PLD5: variants seen among roughly 807,000 people sequenced by gnomAD.
PLD5 encodes the protein phospholipase D family member 5, also known as inactive phospholipase D5.
A neutral mutation model predicts 61.1 loss-of-function variants in PLD5; 36 were observed. That is an observed-to-expected ratio of 0.59 (90% CI 0.45 to 0.78). The LOEUF is 0.78. Ranked by LOEUF, PLD5 falls within the 30% of genes least tolerant of loss-of-function variation. PLD5 has a pLI of 0.00. For synonymous variants in PLD5, 243 were observed against 242.8 expected, an observed-to-expected ratio of 1.00 and a Z score of -0.01; for missense variants, 515 against 644.4, an observed-to-expected ratio of 0.80 and a Z score of 2.17.
intron 1 of PLD5, among the ~76,000 whole-genome samples, chr1:242,362,756 A>G (rs1436095081): frequency 6.6e-6 from 1 of 152,026 alleles, no homozygotes; most frequent in Non-Finnish European, 1.5e-5. Flanking sequence ...CTTCCTACAT[A>G]TATTTCCATG....
chr1:242,402,814 A>T (rs1163895110), intron 1 of PLD5, among the ~76,000 whole-genome samples: 1 of 152,238 alleles, frequency 6.6e-6, no homozygotes, highest in Non-Finnish European at 1.5e-5. Context: ...CATGAAAGTG[A>T]ATATAATTCC....
chr1:242,502,690 CGT>C (rs146663077), intron 1 of PLD5, among the ~76,000 whole-genome samples: 113 of 151,130 alleles, frequency 7.5e-4, no homozygotes, highest in African/African-American at 2.6e-3. Context: ...TGTGTATGTG[CGT>C]GTGTGTGTGT....
intron 1 of PLD5, among the ~76,000 whole-genome samples, chr1:242,459,176 A>G (rs1667034770): frequency 6.6e-6 from 1 of 152,230 alleles, no homozygotes; most frequent in Non-Finnish European, 1.5e-5. Flanking sequence ...ATGTGATTGG[A>G]ATACTTCTAA....
chr1:242,400,717 C>T (rs910508406), intron 1 of PLD5, among the ~76,000 whole-genome samples: 18 of 152,090 alleles, frequency 1.2e-4, no homozygotes, highest in African/African-American at 4.3e-4. Flanking sequence ...GATCTTTTCC[C>T]ACCACCCGCC....
At chr1:242,519,816 C>T (rs1669222646) in intron 1 of PLD5, among the ~76,000 whole-genome samples, 1 of 152,156 alleles carries the variant, frequency 6.6e-6, no homozygotes, top group African/African-American at 2.4e-5. Flanking sequence ...GCCAGCCTTG[C>T]CGACCAAAGG....
At chr1:242,312,676 G>A (rs555212201) in intron 2 of PLD5, among the ~76,000 whole-genome samples, 1 of 152,248 alleles carries the variant, frequency 6.6e-6, no homozygotes, top group South Asian at 2.1e-4. Context: ...AATCTCCCAG[G>A]CTTCTGTCAT....
intron 1 of PLD5, among the ~76,000 whole-genome samples, chr1:242,360,927 T>C (rs1661031623): frequency 6.6e-6 from 1 of 152,110 alleles, no homozygotes; most frequent in Non-Finnish European, 1.5e-5. Flanking sequence ...GAAGATACTC[T>C]AACCAGGAAA....
chr1:242,471,350 T>A (rs1667443621), intron 1 of PLD5, among the ~76,000 whole-genome samples: 1 of 152,176 alleles, frequency 6.6e-6, no homozygotes, highest in Non-Finnish European at 1.5e-5. Context: ...GAGACCTTCC[T>A]CAGATTTAGG....
intron 1 of PLD5, among the ~76,000 whole-genome samples, chr1:242,492,254 G>A (rs1391002538): frequency 1.3e-5 from 2 of 152,040 alleles, no homozygotes; most frequent in Non-Finnish European, 2.9e-5. Flanking sequence ...GCTCACACCT[G>A]TAATCCCAGC....
chr1:242,410,021 C>T (rs73132313), intron 1 of PLD5, among the ~76,000 whole-genome samples: 4,435 of 152,220 alleles, frequency 0.029, 221 homozygotes, highest in African/African-American at 0.098. Flanking sequence ...TTCCCAAGGA[C>T]CCCTTTTCCC....
At chr1:242,244,366 C>T (rs985525186) in intron 4 of PLD5, among the ~76,000 whole-genome samples, 6 of 152,144 alleles carry the variant, frequency 3.9e-5, no homozygotes, top group African/African-American at 7.2e-5. Flanking sequence ...ATAGGAGATA[C>T]ACATGGGGAC....
intron 8 of PLD5, among the ~76,000 whole-genome samples, chr1:242,104,830 G>C (rs1434854227): frequency 1.3e-5 from 2 of 152,146 alleles, no homozygotes; most frequent in Non-Finnish European, 2.9e-5. Flanking sequence ...GTGTGGTTAT[G>C]AATATTATAT....
intron 5 of PLD5, among the ~76,000 whole-genome samples, chr1:242,151,599 C>T (rs375605122): frequency 2.6e-5 from 4 of 151,842 alleles, no homozygotes; most frequent in Non-Finnish European, 4.4e-5. Context: ...TTTGGTTTTC[C>T]GCAGTTTGAA....
At chr1:242,508,132 G>C (rs1178416009) in intron 1 of PLD5, among the ~76,000 whole-genome samples, 1 of 151,924 alleles carries the variant, frequency 6.6e-6, no homozygotes, top group Non-Finnish European at 1.5e-5. Flanking sequence ...GGGAGGCCAA[G>C]GTGGGCGGAT....
chr1:242,407,790 G>A lies in PLD5; in HGVS notation c.190-59548C>T, dbSNP rs375324171. On this transcript the variant is annotated intron_variant, in intron 1 of 9. Transcript: ENST00000536534. ...GATGGAGTTTCACCATGGTGGTCAGGATGGTCTCAAACTCCTGACCTCATG... is the reference window on the plus strand; with the variant it reads ...GATGGAGTTTCACCATGGTGGTCAGAATGGTCTCAAACTCCTGACCTCATG... Among the ~76,000 whole-genome samples the A allele has an allele frequency of 2.6e-5, 4 of 152,108 alleles. No homozygotes were observed. The East Asian group carries it at 5.8e-4, about 22-fold the overall frequency.
chr1:242,245,167 G>GA (rs983904783), intron 4 of PLD5, among the ~76,000 whole-genome samples: 29 of 151,278 alleles, frequency 1.9e-4, no homozygotes, highest in African/African-American at 5.6e-4. Context: ...GTTAGGAAAA[G>GA]AAAAAAAAGG....
chr1:242,371,128 G>A (rs1470870103), intron 1 of PLD5, among the ~76,000 whole-genome samples: 4 of 152,106 alleles, frequency 2.6e-5, no homozygotes. Flanking sequence ...ATTGACTTCG[G>A]GTGTAACTGG....
At chr1:242,409,673 T>C (rs1365306430) in intron 1 of PLD5, among the ~76,000 whole-genome samples, 1 of 152,158 alleles carries the variant, frequency 6.6e-6, no homozygotes, top group Non-Finnish European at 1.5e-5. Flanking sequence ...ATGAGGAGGC[T>C]GGAGAAGGCA....
intron 1 of PLD5, among the ~76,000 whole-genome samples, chr1:242,396,095 A>G (rs1663557644): frequency 6.6e-6 from 1 of 152,132 alleles, no homozygotes; most frequent in South Asian, 2.1e-4. Context: ...ATGCAACCTA[A>G]CAGTTCCTTA....
Sources: allele counts gnomAD v4.1 joint callset (sites outside exome capture counted in the v4.1 genomes callset), GRCh38; gene constraint gnomAD v4.1.1; transcripts MANE v1.5; gene names NCBI Gene and HGNC (gene_info 2026-07-23, HGNC 2026-07-21).